Variants in TGM6 observed in about 807,000 individuals in gnomAD.
TGM6 encodes the protein transglutaminase 6, also known as protein-glutamine gamma-glutamyltransferase 6.
In TGM6, 74 loss-of-function variants were observed where a neutral mutation model predicts 77.5. The observed-to-expected ratio is 0.96, with a 90% CI of 0.79 to 1.16. TGM6 has a LOEUF of 1.16. Ranked by LOEUF, TGM6 falls within the 50% of genes most tolerant of loss-of-function variation. TGM6 has a pLI of 0.00. For synonymous variants in TGM6, 383 were observed against 378.9 expected (o/e 1.01, Z -0.12); for missense variants, 968 against 940.2 (o/e 1.03, Z -0.39).
chr20:2,387,346 G>GA (rs1254784440), intron 1 of TGM6, among the ~76,000 whole-genome samples: 5 of 152,208 alleles, frequency 3.3e-5, no homozygotes, highest in African/African-American at 1.2e-4. Flanking sequence ...GAATTGGCAA[G>GA]GGTAATGGAA....
intron 10 of TGM6, among the ~76,000 whole-genome samples, chr20:2,429,851 A>G (rs551828344): frequency 6.6e-6 from 1 of 152,138 alleles, no homozygotes; most frequent in Admixed American, 6.5e-5. Context: ...GACTGGTGAG[A>G]GGGAGACAGA....
chr20:2,404,283 G>T (rs2084735037), intron 9 of TGM6, among the ~76,000 whole-genome samples: 1 of 152,158 alleles, frequency 6.6e-6, no homozygotes, highest in Non-Finnish European at 1.5e-5. Flanking sequence ...ATGGCCATTG[G>T]TTCATTGAAG....
intron 9 of TGM6, among the ~76,000 whole-genome samples, chr20:2,413,453 C>T (rs538713876): frequency 6.6e-6 from 1 of 151,992 alleles, no homozygotes; most frequent in Non-Finnish European, 1.5e-5. Flanking sequence ...TATACAGTAA[C>T]CCAGACAGTG....
intron 3 of TGM6, among the ~76,000 whole-genome samples, chr20:2,396,050 C>T (rs1243937498): frequency 6.6e-6 from 1 of 151,912 alleles, no homozygotes; most frequent in African/African-American, 2.4e-5. Flanking sequence ...TGTGGTGGCA[C>T]ACGCCTGTAA....
chr20:2,391,480 A>G (rs2084629328), intron 1 of TGM6, among the ~76,000 whole-genome samples: 5 of 151,768 alleles, frequency 3.3e-5, no homozygotes, highest in Admixed American at 3.3e-4. Context: ...CAGCCAGTGC[A>G]AAGAGTAACT....
intron 12 of TGM6, 83 bp downstream of exon 12, chr20:2,431,110 G>A (rs760588754): frequency 2.5e-5 from 39 of 1,574,896 alleles, no homozygotes; most frequent in Non-Finnish European, 3.2e-5. Flanking sequence ...AGGGATGGGG[G>A]TGTGAGAGAG....
intron 10 of TGM6, among the ~76,000 whole-genome samples, chr20:2,425,976 C>T (rs1399385864): frequency 6.6e-6 from 1 of 152,138 alleles, no homozygotes; most frequent in Non-Finnish European, 1.5e-5. Flanking sequence ...ATCTTGTACC[C>T]ATTATCCAAC....
chr20:2,392,539 A>G (rs535801187), intron 1 of TGM6, among the ~76,000 whole-genome samples: 7 of 152,326 alleles, frequency 4.6e-5, no homozygotes, highest in African/African-American at 1.7e-4. Context: ...AGGACTCTAA[A>G]TGACAGGGGC....
rs754977734 is a variant in TGM6 at position 2,395,423 on chromosome 20, C to T, written c.411C>T (p.Asn137=). The T allele has an allele frequency of 2.5e-6, 4 of 1,614,232 alleles. No homozygotes were observed. The highest frequency in any genetic ancestry group is 1.7e-5 in the Admixed American group (1 of 60,022). Residue 137 remains asparagine (N), a synonymous_variant, in exon 3 of 13, where the codon AAC becomes AAT. Transcript: ENST00000202625. The part of the protein sequence containing the change: ...RRLGEFVLLF[N]PWCAEDDVFL... The stretch of plus-strand genomic sequence containing the variant: ...TGGGCGAGTTTGTTCTCCTTTTCAA[C>T]CCATGGTGTGCAGGTAGGAGTGGCC...
At chr20:2,384,922 C>A (rs553885613) in intron 1 of TGM6, among the ~76,000 whole-genome samples, 14 of 148,792 alleles carry the variant, frequency 9.4e-5, no homozygotes, top group Admixed American at 8.9e-4. Flanking sequence ...ATCCTGCATA[C>A]CCCAAGGGTG....
chr20:2,432,509 C>G lies in TGM6; in HGVS notation c.1987C>G (p.Gln663Glu). ...LSIDVPTLEP[Q>E]ERASVQFDIT... The stretch of plus-strand genomic sequence containing the variant: ...CTCCAGCGTGCCTACCCTGGAGCCT[C>G]AGGAGAGGGCCTCAGTCCAGTTTGA... The change falls in exon 13 of 13, where the codon CAG (glutamine) becomes GAG (glutamate). Residue 663 changes from glutamine to glutamate, a missense_variant. Coordinates refer to ENST00000202625, the MANE Select transcript of TGM6 (RefSeq NM_198994.3). 6.2e-7 allele frequency: 1 copy of G among 1,614,098 alleles called. No individual in the cohort carries two copies. Among genetic ancestry groups the G allele is most frequent in the Admixed American group, 1.7e-5 (1 of 60,020 alleles).
chr20:2,410,760 C>T (rs934613142), intron 9 of TGM6, among the ~76,000 whole-genome samples: 6 of 152,070 alleles, frequency 3.9e-5, no homozygotes. Flanking sequence ...TATGAGAAAC[C>T]CCCACACTTT....
At chr20:2,398,267 A>C (rs2084682584) in intron 5 of TGM6, among the ~76,000 whole-genome samples, 1 of 151,982 alleles carries the variant, frequency 6.6e-6, no homozygotes, top group South Asian at 2.1e-4. Flanking sequence ...GTTTGGTTCC[A>C]CTCCAAGATG....
chr20:2,417,557 G>A lies in TGM6; in HGVS notation c.1662G>A (p.Arg554=). 1.2e-6 allele frequency: 2 copies of A among 1,602,118 alleles called. No individual in the cohort carries two copies. The highest frequency in any genetic ancestry group is 2.2e-5 in the East Asian group (1 of 44,842). Residue 554 remains arginine (R), a synonymous_variant, in exon 10 of 13, where the codon AGG becomes AGA. Coordinates refer to ENST00000202625, the MANE Select transcript of TGM6 (RefSeq NM_198994.3). The part of the protein sequence containing the change: ...AEILHESHAV[R]LGPQEEKRIP... ...TCCTGCATGAATCCCACGCCGTGAG[G>A]CTGGGGCCGCAAGAAGGTAAGTGTA...
intron 9 of TGM6, among the ~76,000 whole-genome samples, chr20:2,405,467 A>G (rs999914609): frequency 3.3e-5 from 5 of 152,176 alleles, no homozygotes; most frequent in Admixed American, 1.3e-4. Flanking sequence ...TGTGCAACCA[A>G]TGCTGAGAGC....
Position 2,394,555 on chromosome 20 carries a change from G to A in TGM6, c.111G>A (p.Ser37=), listed in dbSNP as rs140110349. Reference sequence around the variant, plus strand: ...AGCTGGTGGTTCGCAGGGGCCAGTCGTTCAGCCTCACGCTGGAGCTGAGCA... The same window carrying A: ...AGCTGGTGGTTCGCAGGGGCCAGTCATTCAGCCTCACGCTGGAGCTGAGCA... The part of the protein sequence containing the change: ...CPELVVRRGQ[S]FSLTLELSRA... Residue 37 remains serine, a synonymous_variant, in exon 2 of 13, where the codon TCG becomes TCA. Coordinates refer to ENST00000202625, the MANE Select transcript of TGM6 (RefSeq NM_198994.3). The A allele has an allele frequency of 4.0e-4, 651 of 1,612,132 alleles. 2 individuals are homozygous for A. The African/African-American group carries it at 6.6e-3, about 16-fold the overall frequency.
At chr20:2,396,395 C>A in intron 3 of TGM6, 111 bp from the exon 4 acceptor site, 2 of 1,067,826 alleles carry the variant, frequency 1.9e-6, no homozygotes, top group Middle Eastern at 2.0e-4. Flanking sequence ...ACCTCTCCTG[C>A]CCCAGTCAGC....
At chr20:2,407,913 G>T (rs915878208) in intron 9 of TGM6, among the ~76,000 whole-genome samples, 1 of 152,204 alleles carries the variant, frequency 6.6e-6, no homozygotes, top group Non-Finnish European at 1.5e-5. Context: ...ATGGTGAGCT[G>T]ACAGCACAGA....
intron 4 of TGM6, among the ~76,000 whole-genome samples, chr20:2,397,697 G>A (rs890963813): frequency 6.6e-6 from 1 of 152,176 alleles, no homozygotes; most frequent in Non-Finnish European, 1.5e-5. Flanking sequence ...AGATTGTTGA[G>A]CAGGGGAGAG....
Sources: gnomAD v4.1 joint callset for allele counts (sites outside exome capture counted in the v4.1 genomes callset) on GRCh38, gnomAD v4.1.1 for gene constraint, MANE v1.5 for transcripts, NCBI Gene and HGNC (gene_info 2026-07-23, HGNC 2026-07-21) for gene names.